The following LMNTD2 variants were observed in gnomAD, a reference collection of about 807,000 sequenced individuals.
LMNTD2 encodes the protein lamin tail domain-containing protein 2.
LMNTD2 carries 83 observed loss-of-function variants against 70.1 expected under a neutral mutation model. The observed-to-expected ratio is 1.18, with a 90% CI of 0.99 to 1.42. LMNTD2 has a LOEUF of 1.42. Ranked by LOEUF, LMNTD2 falls within the 40% of genes most tolerant of loss-of-function variation. LMNTD2 has a pLI of 0.00. For synonymous variants in LMNTD2, 534 were observed against 406.1 expected (o/e 1.31, Z -3.79); for missense variants, 1,153 against 905.9 (o/e 1.27, Z -3.50).
At chr11:557,773 GA>G (rs2134101691) in intron 5 of LMNTD2, 110 bp downstream of exon 5, 1 of 1,543,382 alleles carries the variant, frequency 6.5e-7, no homozygotes, top group East Asian at 2.4e-5. Flanking sequence ...AGAGGCACCT[GA>G]GCAGGGCAGG....
chr11:557,304 G>A (rs1852954227), intron 7 of LMNTD2, 95 bp downstream of exon 7: 2 of 1,441,060 alleles, frequency 1.4e-6, no homozygotes, highest in Admixed American at 2.0e-5. Flanking sequence ...GACTTATCCA[G>A]GGACACTAAA....
chr11:555,457 C>T lies in LMNTD2; in HGVS notation c.1621G>A (p.Ala541Thr). 7.3e-7 allele frequency: 1 copy of T among 1,375,554 alleles called. No homozygotes were observed. Among genetic ancestry groups the T allele is most frequent in the Non-Finnish European group, 9.3e-7 (1 of 1,070,230 alleles). 85.2% of individuals were successfully genotyped at this position (1,375,554 alleles called of 1,614,324 possible). Residue 541 changes from alanine to threonine, a missense_variant, in exon 13 of 14, where the codon GCG becomes ACG. Ala to Thr is a moderately conservative substitution (Grantham distance 58, BLOSUM62 0). Coordinates refer to ENST00000329451, the MANE Select transcript of LMNTD2 (RefSeq NM_173573.3). The part of the protein sequence containing the change: ...PPVSSGKLFH[A>T]REGPARPENP... ...TCGGGCCGCGCAGGCCCCTCCCGCGCGTGGAAGAGCTTCCCCGAGCTCACT... is the reference window on the plus strand; with the variant it reads ...TCGGGCCGCGCAGGCCCCTCCCGCGTGTGGAAGAGCTTCCCCGAGCTCACT...
chr11:555,899 T>G lies in LMNTD2; in HGVS notation c.1409A>C (p.Glu470Ala). The change falls in exon 12 of 14, where the codon GAG becomes GCG. Residue 470 changes from glutamate to alanine, a missense_variant. Coordinates refer to ENST00000329451, the MANE Select transcript of LMNTD2 (RefSeq NM_173573.3). ...GGCGAAGACCCTCGGGGCCGGAGTC[T>G]CGCGGCGTGGGATCCGGTGCTCACT... The part of the protein sequence containing the change: ...VLSEHRIPRR[E>A]TPAPRVFADG... The G allele has an allele frequency of 1.3e-6, 2 of 1,565,124 alleles. No individual in the cohort carries two copies. The highest frequency in any genetic ancestry group is 1.2e-5 in the South Asian group (1 of 86,572).
intron 7 of LMNTD2, 94 bp downstream of exon 7, chr11:557,305 G>T: frequency 6.9e-7 from 1 of 1,445,416 alleles, no homozygotes; most frequent in South Asian, 1.2e-5. Context: ...ACTTATCCAG[G>T]GACACTAAAT....
chr11:559,024 T>C, intron 1 of LMNTD2, 45 bp from the exon 2 acceptor site: 1 of 1,583,768 alleles, frequency 6.3e-7, no homozygotes, highest in Non-Finnish European at 8.6e-7. Context: ...TTCAACCTCC[T>C]GGCCAGACTT....
In LMNTD2 at chr11:558,845, C is replaced by T. The variant is rs1353133771; in HGVS notation, c.158+11G>A. 16 of 1,598,604 alleles carry T rather than the reference C, an allele frequency of 1.0e-5. No homozygotes were observed. The highest frequency in any genetic ancestry group is 2.7e-5 in the African/African-American group (2 of 74,652). On this transcript the variant is annotated intron_variant, in intron 2 of 13. Coordinates refer to ENST00000329451, the MANE Select transcript of LMNTD2 (RefSeq NM_173573.3). ...CCCAGGAGGCTCACCAGTCCTCCCTCTCCTCCTTACTGCGGGTCGGCAGAG... is the reference window on the plus strand; with the variant it reads ...CCCAGGAGGCTCACCAGTCCTCCCTTTCCTCCTTACTGCGGGTCGGCAGAG...
intron 7 of LMNTD2, 139 bp downstream of exon 7, chr11:557,260 A>C: frequency 2.9e-6 from 4 of 1,362,608 alleles, no homozygotes; most frequent in Non-Finnish European, 4.0e-6. Flanking sequence ...AACGCATTCT[A>C]CAGATCAGAG....
At chr11:560,338 C>A (rs1853196180) in intron 1 of LMNTD2, 1 of 1,123,412 alleles carries the variant, frequency 8.9e-7, no homozygotes, top group Non-Finnish European at 1.1e-6. Flanking sequence ...GGCACTGGGT[C>A]CAAAAGGGGC....
intron 7 of LMNTD2, 44 bp from the exon 8 acceptor site, chr11:557,141 C>G (rs1360654949): frequency 6.5e-7 from 1 of 1,528,340 alleles, no homozygotes; most frequent in East Asian, 2.4e-5. Context: ...GCTCCAGACC[C>G]CAGCCCTGCC....
At chr11:560,185 G>A (rs1021712741) in intron 1 of LMNTD2, 13 of 523,736 alleles carry the variant, frequency 2.5e-5, no homozygotes, top group Non-Finnish European at 3.2e-5. Context: ...CGGGCAGGAG[G>A]CCCACGCCCA....
chr11:560,378 G>T, intron 1 of LMNTD2: 1 of 1,200,038 alleles, frequency 8.3e-7, no homozygotes. Context: ...GCCTCAGCTA[G>T]AGTCCGGGCC....
intron 12 of LMNTD2, 83 bp downstream of exon 12, chr11:555,651 C>G (rs905408327): frequency 2.3e-6 from 3 of 1,307,048 alleles, no homozygotes; most frequent in East Asian, 6.3e-5. Flanking sequence ...GGGGTCCGTC[C>G]TAGCGAGGGG....
chr11:556,016 G>C lies in LMNTD2; in HGVS notation c.1357C>G (p.Leu453Val), dbSNP rs1852841824. The C allele has an allele frequency of 7.1e-6, 11 of 1,557,750 alleles. No individual in the cohort carries two copies. Among genetic ancestry groups the C allele is most frequent in the Non-Finnish European group, 9.5e-6 (11 of 1,162,320 alleles). The change falls in exon 11 of 14, where the codon CTC becomes GTC. Residue 453 changes from leucine (L) to valine (V), a missense_variant. Physicochemically the swap from Leu to Val is conservative, Grantham distance 32. Transcript: ENST00000329451. Reference protein sequence around the residue: ...LLSIRGCATLLLSPKGEVLSE... With the variant: ...LLSIRGCATLVLSPKGEVLSE... ...CCGACCTCGCCCTTGGGGCTCAGGAGCAGCGTCGCGCAGCCGCGGATGGAG... is the reference window on the plus strand; with the variant it reads ...CCGACCTCGCCCTTGGGGCTCAGGACCAGCGTCGCGCAGCCGCGGATGGAG...
In LMNTD2 at chr11:556,589, C is replaced by A. The variant is rs763361454; in HGVS notation, c.977-1G>T. ...CTGGGTGAGTGGGTTTTCTGGAGAT[C>A]TAGAGAGAGCAGCGCTTTTGGGGAG... On this transcript the variant is annotated splice_acceptor_variant, in intron 8 of 13. Coordinates refer to ENST00000329451, the MANE Select transcript of LMNTD2 (RefSeq NM_173573.3). LOFTEE classifies it high-confidence loss of function. 2.9e-5 allele frequency: 45 copies of A among 1,526,022 alleles called. 1 individual carries two copies. The South Asian group carries it at 5.3e-4, about 18-fold the overall frequency. 94.5% of individuals were successfully genotyped at this position (1,526,022 alleles called of 1,614,324 possible).
Position 556,836 on chromosome 11 carries a change from T to C in LMNTD2, c.975A>G (p.Glu325=), listed in dbSNP as rs754226862. The change falls in exon 8 of 14, where the codon GAA becomes GAG. Residue 325 remains glutamate, a splice_region_variant and synonymous_variant. Transcript: ENST00000329451. Reference sequence around the variant, plus strand: ...CAGGGGAGACCCGCCCCACTGCACCTTCTGAGTCCCTGCTGTAGCTGCCGG... The same window carrying C: ...CAGGGGAGACCCGCCCCACTGCACCCTCTGAGTCCCTGCTGTAGCTGCCGG... The part of the protein sequence containing the change: ...VQAGSYSRDS[E]DLQKTHSPRH... The C allele has an allele frequency of 3.2e-6, 5 of 1,570,736 alleles. No individual in the cohort carries two copies. Among genetic ancestry groups the C allele is most frequent in the South Asian group, 2.3e-5 (2 of 85,484 alleles).
At position 556,959 on chromosome 11, in the gene LMNTD2, GT is replaced by G. The variant is rs780492299; in HGVS notation, c.851del (p.Asp284AlafsTer15). The G allele has an allele frequency of 4.4e-6, 7 of 1,604,110 alleles. No individual in the cohort carries two copies. The East Asian group carries it at 1.3e-4, about 31-fold the overall frequency. ...GCAGGCCCGGCCGGCAGCTGCTGGA[GT>G]CGGAGTCAGCGCCCCCTGAGCTGCT... is the stretch of plus-strand genomic sequence containing the variant. ...NTSSSGGADS[D>X]SSSCRPGLPS... On this transcript the variant is annotated frameshift_variant, in exon 8 of 14. Coordinates refer to ENST00000329451, the MANE Select transcript of LMNTD2 (RefSeq NM_173573.3). LOFTEE classifies it high-confidence loss of function.
At chr11:559,020 C>A in intron 1 of LMNTD2, 41 bp from the exon 2 acceptor site, 1 of 1,586,968 alleles carries the variant, frequency 6.3e-7, no homozygotes, top group Non-Finnish European at 8.5e-7. Context: ...TTTCTTCAAC[C>A]TCCTGGCCAG....
rs1411337360 is a variant in LMNTD2, at chr11:556,248, C to G, written c.1201G>C (p.Glu401Gln). ...CCCGGCGGGAAGCGGTACAGGCGCT[C>G]CGGGAAGCCGCGCACCAGCTGCTTC... ...VLKQLVRGFPERLYRFPPGTL... is the reference protein window; with the variant it reads ...VLKQLVRGFPQRLYRFPPGTL... The change falls in exon 10 of 14, where the codon GAG (glutamate) becomes CAG (glutamine). Residue 401 changes from glutamate to glutamine, a missense_variant. Physicochemically the swap from Glu to Gln is conservative, Grantham distance 29 (BLOSUM62 2). Transcript: ENST00000329451. The G allele has an allele frequency of 6.5e-7, 1 of 1,529,276 alleles. No individual in the cohort carries two copies. The highest frequency in any genetic ancestry group is 8.7e-7 in the Non-Finnish European group (1 of 1,144,006). The allele number at this position is 1,529,276 out of a possible 1,614,324, so 94.7% of individuals were successfully genotyped here.
chr11:556,153 G>A (rs1001272694), intron 10 of LMNTD2, 38 bp from the exon 11 acceptor site: 47 of 1,316,502 alleles, frequency 3.6e-5, no homozygotes, highest in Non-Finnish European at 4.2e-5. Context: ...GGGCGGCCGG[G>A]CCGGGCCGTC....
Sources: allele counts gnomAD v4.1 joint callset, GRCh38; gene constraint gnomAD v4.1.1; transcripts MANE v1.5; gene names NCBI Gene and HGNC (gene_info 2026-07-23, HGNC 2026-07-21).